Variants in NCALD observed in about 807,000 individuals in gnomAD.
NCALD encodes the protein neurocalcin delta.
Under a neutral mutation model 18.6 loss-of-function variants are expected in NCALD, and 10 were observed. The ratio of observed to expected loss-of-function variants is 0.54; its 90% CI spans 0.33 to 0.91. NCALD has a LOEUF of 0.91. NCALD is among the 40% of genes least tolerant of loss of function. The pLI is 0.03. For synonymous variants in NCALD, 88 were observed against 87.4 expected (o/e 1.01, Z -0.04); for missense variants, 184 against 247.6 (o/e 0.74, Z 1.72).
chr8:101,895,273 T>C (rs1366051700), intron 3 of NCALD, among the ~76,000 whole-genome samples: 1 of 125,548 alleles, frequency 8.0e-6, no homozygotes, highest in African/African-American at 4.5e-5. Context: ...CACATGATTA[T>C]GTCAATAGAT....
At chr8:101,960,194 G>A (rs566362697) in intron 2 of NCALD, among the ~76,000 whole-genome samples, 1 of 152,218 alleles carries the variant, frequency 6.6e-6, no homozygotes, top group African/African-American at 2.4e-5. Flanking sequence ...ATGCACCAGA[G>A]CCCACCATAC....
chr8:101,859,618 G>T (rs1815459276), intron 4 of NCALD, among the ~76,000 whole-genome samples: 1 of 152,106 alleles, frequency 6.6e-6, no homozygotes, highest in East Asian at 1.9e-4. Flanking sequence ...TGATAGCAGA[G>T]ATTTTTTAAG....
chr8:101,838,296 A>T (rs1020666375), intron 4 of NCALD, among the ~76,000 whole-genome samples: 5 of 152,088 alleles, frequency 3.3e-5, no homozygotes, highest in Admixed American at 6.6e-5. Flanking sequence ...AACTCAGCTC[A>T]CTGCAGCCTC....
At chr8:101,975,549 A>C (rs1373721464) in intron 2 of NCALD, among the ~76,000 whole-genome samples, 6 of 152,200 alleles carry the variant, frequency 3.9e-5, no homozygotes, top group Admixed American at 2.0e-4. Context: ...AACCCTTGTA[A>C]GGCTCCTGTG....
At chr8:101,856,374 T>C (rs943095019) in intron 4 of NCALD, among the ~76,000 whole-genome samples, 1 of 152,188 alleles carries the variant, frequency 6.6e-6, no homozygotes, top group African/African-American at 2.4e-5. Flanking sequence ...GGTTTCTCTA[T>C]GTTGCCCAGG....
intron 1 of NCALD, among the ~76,000 whole-genome samples, chr8:101,739,001 T>C (rs1395595390): frequency 6.6e-6 from 1 of 152,124 alleles, no homozygotes; most frequent in Non-Finnish European, 1.5e-5. Context: ...TATCCCCCCA[T>C]TTAGGGTACA....
At chr8:102,077,408 G>A (rs1012515498) in intron 1 of NCALD, among the ~76,000 whole-genome samples, 1 of 151,996 alleles carries the variant, frequency 6.6e-6, no homozygotes, top group African/African-American at 2.4e-5. Flanking sequence ...AAAGTAGGAA[G>A]AAATCCTGAT....
chr8:102,000,100 G>C (rs1287259132), intron 2 of NCALD, among the ~76,000 whole-genome samples: 1 of 152,228 alleles, frequency 6.6e-6, no homozygotes, highest in Non-Finnish European at 1.5e-5. Flanking sequence ...GCCTCACCCA[G>C]GAAGTGCAAG....
intron 1 of NCALD, among the ~76,000 whole-genome samples, chr8:101,754,551 CCT>C (rs1413161642): frequency 1.3e-5 from 2 of 152,044 alleles, no homozygotes; most frequent in Non-Finnish European, 2.9e-5. Context: ...CTCTCTGGGG[CCT>C]CTTTTATAAG....
chr8:101,945,175 A>G (rs77065192), intron 2 of NCALD, among the ~76,000 whole-genome samples: 3,633 of 152,328 alleles, frequency 0.024, 144 homozygotes, highest in African/African-American at 0.082. Context: ...GAGCCACTGC[A>G]TGACTTTCCT....
At chr8:101,784,044 G>A (rs1223051704) in intron 1 of NCALD, among the ~76,000 whole-genome samples, 3 of 152,124 alleles carry the variant, frequency 2.0e-5, no homozygotes, top group African/African-American at 4.8e-5. Flanking sequence ...CAAATCTTAC[G>A]GGCTTAAAAC....
At chr8:101,943,144 G>A (rs1819021443) in intron 2 of NCALD, among the ~76,000 whole-genome samples, 1 of 152,126 alleles carries the variant, frequency 6.6e-6, no homozygotes, top group Non-Finnish European at 1.5e-5. Flanking sequence ...GTTTGCAATG[G>A]CACAGTAAGT....
intron 1 of NCALD, among the ~76,000 whole-genome samples, chr8:102,103,846 T>A (rs1825363902): frequency 6.6e-6 from 1 of 152,226 alleles, no homozygotes; most frequent in African/African-American, 2.4e-5. Context: ...GGGACTTTTT[T>A]AATCCCTTAA....
intron 1 of NCALD, among the ~76,000 whole-genome samples, chr8:102,033,705 G>A (rs147043790): frequency 1.9e-4 from 29 of 152,226 alleles, no homozygotes; most frequent in African/African-American, 6.7e-4. Flanking sequence ...CTGGATAATG[G>A]AGGCATTAAG....
intron 1 of NCALD, among the ~76,000 whole-genome samples, chr8:101,787,662 CT>C (rs749205058): frequency 7.9e-5 from 12 of 152,144 alleles, no homozygotes; most frequent in Non-Finnish European, 1.3e-4. Context: ...TTAATACCCC[CT>C]GTATTGGTCT....
chr8:102,035,844 T>G (rs1219216237), intron 1 of NCALD, among the ~76,000 whole-genome samples: 1 of 152,166 alleles, frequency 6.6e-6, no homozygotes, highest in Admixed American at 6.5e-5. Context: ...TCTTGCAGCA[T>G]TTCTAGTGAC....
chr8:101,842,667 T>C (rs928089277), intron 4 of NCALD, among the ~76,000 whole-genome samples: 1 of 152,212 alleles, frequency 6.6e-6, no homozygotes, highest in Non-Finnish European at 1.5e-5. Flanking sequence ...TGTCCTCTTG[T>C]ATAGAAGCAA....
At chr8:101,837,713 C>T (rs1411317933) in intron 4 of NCALD, among the ~76,000 whole-genome samples, 1 of 152,178 alleles carries the variant, frequency 6.6e-6, no homozygotes, top group Non-Finnish European at 1.5e-5. Context: ...AATAACCATG[C>T]CCAGGGAAAT....
chr8:101,965,723 C>G (rs1820001638), intron 2 of NCALD, among the ~76,000 whole-genome samples: 1 of 152,138 alleles, frequency 6.6e-6, no homozygotes. Context: ...TGTAACAAAC[C>G]TGCATGTTCT....
Sources: allele counts gnomAD v4.1 joint callset (sites outside exome capture counted in the v4.1 genomes callset), GRCh38; gene constraint gnomAD v4.1.1; transcripts MANE v1.5; gene names NCBI Gene and HGNC (gene_info 2026-07-23, HGNC 2026-07-21).